Variants in SORL1 observed in about 807,000 individuals in gnomAD.
The protein encoded by SORL1 is sortilin related receptor 1, also known as sortilin-related receptor.
A neutral mutation model predicts 273.7 loss-of-function variants in SORL1; 127 were observed. The ratio of observed to expected loss-of-function variants is 0.46; its 90% CI spans 0.40 to 0.54. The LOEUF (loss-of-function observed/expected upper bound fraction) is 0.54. SORL1 is among the 20% of genes least tolerant of loss of function. The probability of loss-of-function intolerance (pLI) is 0.00; values close to 1 mark genes in which losing one functional copy is unlikely to be tolerated. For synonymous variants in SORL1, 1,031 were observed against 1,067.4 expected (o/e 0.97, Z 0.66); for missense variants, 2,494 against 2,846.1 (o/e 0.88, Z 2.81).
chr11:121,590,159 GAGA>G lies in SORL1; in HGVS notation c.4201_4203del (p.Lys1401del), dbSNP rs778271362. ...GAACGACTGTGGGGACTGGTCTGAT[GAGA>G]AGGATTGTGGAGGTAAGAGGCCCCT... On this transcript the variant is annotated inframe_deletion, in exon 30 of 48. Coordinates refer to ENST00000260197, the MANE Select transcript of SORL1 (RefSeq NM_003105.6). The G allele has an allele frequency of 9.9e-6, 16 of 1,614,166 alleles. No individual in the cohort carries two copies. In the South Asian group the frequency reaches 1.8e-4, roughly 18 times the overall value.
intron 22 of SORL1, among the ~76,000 whole-genome samples, chr11:121,568,973 C>A (rs187224324): frequency 2.0e-5 from 3 of 152,174 alleles, no homozygotes; most frequent in African/African-American, 7.2e-5. Context: ...TCCGGGACCC[C>A]GAACGGAGGG....
rs34608652 is a variant in SORL1, at chr11:121,540,522, C to CAAAAAAAAAAAAAAAAAAAAAAAA, written c.1686-3012_1686-3011insAAAAAAAAAAAAAAAAAAAAAAAA. On this transcript the variant is annotated intron_variant, in intron 12 of 47. Coordinates refer to ENST00000260197, the MANE Select transcript of SORL1 (RefSeq NM_003105.6). ...TGAAATCCTATCTCTACTAAAAATA[C>CAAAAAAAAAAAAAAAAAAAAAAAA]AAAAAAAAAAAAAAGAATGCAAAGA... is the stretch of plus-strand genomic sequence containing the variant. 4.4e-3 allele frequency among the ~76,000 whole-genome samples: 453 copies of CAAAAAAAAAAAAAAAAAAAAAAAA among 103,482 alleles called. 27 individuals carry two copies. The highest frequency in any genetic ancestry group is 6.3e-3 in the Non-Finnish European group (326 of 51,582). 67.9% of individuals were successfully genotyped at this position (103,482 alleles called of 152,430 possible).
At chr11:121,570,028 A>G (rs1056910379) in intron 22 of SORL1, 129 bp from the exon 23 acceptor site, 7 of 529,904 alleles carry the variant, frequency 1.3e-5, no homozygotes, top group East Asian at 6.1e-5. Context: ...GGTGAATTTC[A>G]CCCGATATCT....
intron 11 of SORL1, among the ~76,000 whole-genome samples, chr11:121,530,813 T>G (rs1034605202): frequency 6.6e-6 from 1 of 152,220 alleles, no homozygotes; most frequent in Admixed American, 6.5e-5. Flanking sequence ...TGGCAATCTT[T>G]CTTTCTTTGA....
At chr11:121,496,043 A>G (rs1329436170) in intron 5 of SORL1, among the ~76,000 whole-genome samples, 1 of 152,230 alleles carries the variant, frequency 6.6e-6, no homozygotes, top group Non-Finnish European at 1.5e-5. Context: ...CTTTGTTTGG[A>G]GTTCAAACTC....
chr11:121,480,745 A>C (rs111391886), intron 3 of SORL1, among the ~76,000 whole-genome samples: 2 of 136,286 alleles, frequency 1.5e-5, no homozygotes, highest in Admixed American at 7.2e-5. Flanking sequence ...AGATACCTAT[A>C]GGCAAGCTCC....
chr11:121,612,630 T>C, intron 39 of SORL1, 106 bp from the exon 40 acceptor site: 1 of 784,248 alleles, frequency 1.3e-6, no homozygotes, highest in Non-Finnish European at 2.1e-6. Context: ...AAGAATGAGA[T>C]ACCCAAGGAA....
chr11:121,454,956 G>A (rs985048925), intron 1 of SORL1, among the ~76,000 whole-genome samples: 1 of 152,150 alleles, frequency 6.6e-6, no homozygotes, highest in Admixed American at 6.5e-5. Context: ...AAAGTGTCAA[G>A]ATGTGACAAT....
rs1337948703 is a variant in SORL1 at position 121,522,594 on chromosome 11, G to A, written c.1413G>A (p.Gln471=). 1.9e-6 allele frequency: 3 copies of A among 1,613,568 alleles called. No individual in the cohort carries two copies. The highest frequency in any genetic ancestry group is 2.5e-6 in the Non-Finnish European group (3 of 1,179,568). Residue 471 remains glutamine, a synonymous_variant, in exon 10 of 48, where the codon CAG becomes CAA. Coordinates refer to ENST00000260197, the MANE Select transcript of SORL1 (RefSeq NM_003105.6). The stretch of plus-strand genomic sequence containing the variant: ...AAACTTTGGTTGTATAGCTTTCCCA[G>A]GGCTGTTCCCTTCATCTGGCTCAGC... The part of the protein sequence containing the change: ...YGEKINCELS[Q]GCSLHLAQRL...
chr11:121,618,909 C>A lies in SORL1; in HGVS notation c.5724+16C>A. On this transcript the variant is annotated intron_variant, in intron 42 of 47. Coordinates refer to ENST00000260197, the MANE Select transcript of SORL1 (RefSeq NM_003105.6). ...TTTGTTTCTGGTAAGTTTCCCATAC[C>A]GTTTCAGTTTTTTAAGGGATGTCTT... The A allele has an allele frequency of 6.2e-7, 1 of 1,613,770 alleles. No homozygotes were observed. The highest frequency in any genetic ancestry group is 1.1e-5 in the South Asian group (1 of 91,050).
chr11:121,577,255 C>A, intron 24 of SORL1, 26 bp from the exon 25 acceptor site: 1 of 1,560,996 alleles, frequency 6.4e-7, no homozygotes, highest in South Asian at 1.2e-5. Context: ...TTGTCCTCAC[C>A]TCTCTGTTTA....
chr11:121,452,534 G>T lies in SORL1; in HGVS notation c.203G>T (p.Gly68Val). 1 of 1,489,540 alleles carries T rather than the reference G, an allele frequency of 6.7e-7. No homozygotes were observed. The highest frequency in any genetic ancestry group is 8.9e-7 in the Non-Finnish European group (1 of 1,125,236). The allele number at this position is 1,489,540 out of a possible 1,614,324, so 92.3% of individuals were successfully genotyped here. A position where few individuals can be genotyped will look rare whatever the true frequency, so the allele number is the denominator to read the frequency against. ...CTGTGGGCGCGCGGGGATGCCAGGG[G>T]GGCGAGCCGCGCGGACGAGAAGCCG... ...LRLWARGDAR[G>V]ASRADEKPLR... is the part of the protein sequence containing the mutation. The change falls in exon 1 of 48, where the codon GGG becomes GTG. Residue 68 changes from glycine (G) to valine (V), a missense_variant. Gly to Val is a moderately radical substitution (Grantham distance 109). Coordinates refer to ENST00000260197, the MANE Select transcript of SORL1 (RefSeq NM_003105.6). The surrounding 1 kb of genome is among the most constrained non-coding windows in gnomAD (Gnocchi z 5.3).
In SORL1 at chr11:121,632,421, G is replaced by A. The variant is rs902038717; in HGVS notation, c.*2858G>A. On this transcript the variant is annotated 3_prime_UTR_variant, in exon 48 of 48. Coordinates refer to ENST00000260197, the MANE Select transcript of SORL1 (RefSeq NM_003105.6). ...AGGTGAGAAGCTCCAGGAACTACTG[G>A]CTACCTTGACAAGCTGGGTAAATAG... 2 of 152,086 alleles carry A rather than the reference G, an allele frequency of 1.3e-5. No homozygotes were observed. Among genetic ancestry groups the A allele is most frequent in the African/African-American group, 4.8e-5 (2 of 41,402 alleles). The allele number at this position is 152,086 out of a possible 1,614,324, so 9.4% of individuals were successfully genotyped here. A position where few individuals can be genotyped will look rare whatever the true frequency, so the allele number is the denominator to read the frequency against.
At position 121,621,157 on chromosome 11, in the gene SORL1, A is replaced by T; in HGVS notation, c.5983A>T (p.Lys1995Ter). ...RNSTVEYTLN[K>*]LEPGGKYHII... ...CAGCACTGTGGAATACACCCTTAACAAGTTGGAGCCTGGCGGGAAATACCA... is the reference window on the plus strand; with the variant it reads ...CAGCACTGTGGAATACACCCTTAACTAGTTGGAGCCTGGCGGGAAATACCA... The change falls in exon 44 of 48, where the codon AAG becomes TAG. Residue 1995 changes from lysine (K) to a stop codon, truncating the protein, a stop_gained. Coordinates refer to ENST00000260197, the MANE Select transcript of SORL1 (RefSeq NM_003105.6). LOFTEE classifies it high-confidence loss of function. 6.2e-7 allele frequency: 1 copy of T among 1,614,140 alleles called. No homozygotes were observed. Among genetic ancestry groups the T allele is most frequent in the Non-Finnish European group, 8.5e-7 (1 of 1,179,956 alleles).
At chr11:121,458,960 G>C (rs1860949498) in intron 1 of SORL1, among the ~76,000 whole-genome samples, 1 of 152,162 alleles carries the variant, frequency 6.6e-6, no homozygotes, top group African/African-American at 2.4e-5. Context: ...ACAAAGTTCT[G>C]TTATCCACTG....
intron 8 of SORL1, among the ~76,000 whole-genome samples, chr11:121,519,305 C>T (rs111450510): frequency 3.9e-5 from 6 of 152,094 alleles, no homozygotes; most frequent in Non-Finnish European, 7.4e-5. Context: ...GAGATCCGCT[C>T]TATTTGTAAT....
At chr11:121,560,922 T>C (rs1862663067) in intron 21 of SORL1, among the ~76,000 whole-genome samples, 1 of 152,202 alleles carries the variant, frequency 6.6e-6, no homozygotes, top group Admixed American at 6.5e-5. Flanking sequence ...ATTCTGCCGC[T>C]AAATGGAGAA....
chr11:121,508,167 C>T (rs1861815893), intron 6 of SORL1, among the ~76,000 whole-genome samples: 1 of 152,180 alleles, frequency 6.6e-6, no homozygotes, highest in Non-Finnish European at 1.5e-5. Flanking sequence ...AATGCTTTTG[C>T]AGGCAGTTTA....
intron 8 of SORL1, among the ~76,000 whole-genome samples, 180 bp from the exon 9 acceptor site, chr11:121,520,477 T>A (rs1862022948): frequency 6.6e-6 from 1 of 152,166 alleles, no homozygotes; most frequent in South Asian, 2.1e-4. Context: ...CCAGTGGGTA[T>A]GAGGTTTCCT....
Sources: gnomAD v4.1 joint callset for allele counts (sites outside exome capture counted in the v4.1 genomes callset) on GRCh38, gnomAD v4.1.1 for gene constraint, Gnocchi (gnomAD v3.1) non-coding constraint, MANE v1.5 for transcripts, NCBI Gene and HGNC (gene_info 2026-07-23, HGNC 2026-07-21) for gene names.